The following CALCR variants were observed in gnomAD, a reference collection of about 807,000 sequenced individuals.
The protein encoded by CALCR is calcitonin receptor.
A neutral mutation model predicts 59.5 loss-of-function variants in CALCR; 47 were observed. The ratio of observed to expected loss-of-function variants is 0.79; its 90% CI spans 0.63 to 1.01. CALCR has a LOEUF of 1.01. CALCR is among the 50% of genes least tolerant of loss of function. The pLI is 0.00. For synonymous variants in CALCR, 213 were observed against 211.3 expected, an observed-to-expected ratio of 1.01 and a Z score of -0.07; for missense variants, 566 against 597.1, an observed-to-expected ratio of 0.95 and a Z score of 0.54.
intron 2 of CALCR, among the ~76,000 whole-genome samples, chr7:93,518,652 T>TA (rs1306284169): frequency 6.6e-6 from 1 of 151,914 alleles, no homozygotes; most frequent in African/African-American, 2.4e-5. Flanking sequence ...AGATGTTTAT[T>TA]GGAGCAGTTT....
chr7:93,452,214 G>C (rs1222762461), intron 8 of CALCR, among the ~76,000 whole-genome samples: 1 of 151,886 alleles, frequency 6.6e-6, no homozygotes, highest in Non-Finnish European at 1.5e-5. Context: ...AAGAATTTAG[G>C]GTTCAGAGAG....
At chr7:93,514,810 A>G (rs1409711976) in intron 2 of CALCR, among the ~76,000 whole-genome samples, 2 of 152,074 alleles carry the variant, frequency 1.3e-5, no homozygotes, top group Admixed American at 1.3e-4. Flanking sequence ...TAAAAGTTCT[A>G]TTATTCAGAG....
intron 2 of CALCR, among the ~76,000 whole-genome samples, chr7:93,517,317 A>G (rs926456704): frequency 1.6e-5 from 2 of 127,814 alleles, no homozygotes; most frequent in African/African-American, 7.9e-5. Context: ...TTTTTTTTTA[A>G]TTTGCTAGCC....
At chr7:93,544,789 A>C (rs1407626148) in intron 2 of CALCR, among the ~76,000 whole-genome samples, 1 of 152,082 alleles carries the variant, frequency 6.6e-6, no homozygotes, top group Non-Finnish European at 1.5e-5. Context: ...GGCCAGGAGG[A>C]GCTTATGGCA....
At chr7:93,432,115 A>G (rs376533148) in intron 13 of CALCR, among the ~76,000 whole-genome samples, 3 of 152,164 alleles carry the variant, frequency 2.0e-5, no homozygotes, top group African/African-American at 7.2e-5. Flanking sequence ...TATATAATTC[A>G]TTTTCATAAT....
intron 8 of CALCR, among the ~76,000 whole-genome samples, chr7:93,446,439 A>T (rs138890670): frequency 6.6e-6 from 1 of 152,102 alleles, no homozygotes; most frequent in Admixed American, 6.6e-5. Context: ...TTGTTTTCAA[A>T]CTATTTTTCA....
At chr7:93,564,586 G>A (rs977769999) in intron 2 of CALCR, among the ~76,000 whole-genome samples, 1 of 152,076 alleles carries the variant, frequency 6.6e-6, no homozygotes, top group African/African-American at 2.4e-5. Flanking sequence ...CCAAGTAGCT[G>A]GGATTACAGG....
chr7:93,555,690 A>G (rs1178414159), intron 2 of CALCR, among the ~76,000 whole-genome samples: 1 of 151,570 alleles, frequency 6.6e-6, no homozygotes, highest in Non-Finnish European at 1.5e-5. Context: ...AAAGTGGCAT[A>G]GATTAAGCAC....
intron 7 of CALCR, among the ~76,000 whole-genome samples, chr7:93,462,739 A>G (rs769143915): frequency 6.6e-6 from 1 of 152,042 alleles, no homozygotes; most frequent in African/African-American, 2.4e-5. Flanking sequence ...GCTGTTGTAC[A>G]TTAGCTTAAA....
Position 93,443,768 on chromosome 7 carries a change from G to T in CALCR, c.649-11C>A, listed in dbSNP as rs777622964. On this transcript the variant is annotated splice_polypyrimidine_tract_variant and intron_variant, in intron 8 of 13. Coordinates refer to ENST00000426151, the MANE Select transcript of CALCR (RefSeq NM_001742.4). ...AATCTTGCAGCTCACCTGTCAGAAA[G>T]AAAGGAAGATACTCAGAGAAAGACA... 2.5e-6 allele frequency: 4 copies of T among 1,610,756 alleles called. No individual in the cohort carries two copies. Among genetic ancestry groups the T allele is most frequent in the Admixed American group, 1.7e-5 (1 of 59,842 alleles).
chr7:93,438,256 G>T lies in CALCR; in HGVS notation c.817C>A (p.Pro273Thr). The change falls in exon 10 of 14, where the codon CCA (proline) becomes ACA (threonine). Residue 273 changes from proline to threonine, a missense_variant. Coordinates refer to ENST00000426151, the MANE Select transcript of CALCR (RefSeq NM_001742.4). Reference protein sequence around the residue: ...YLLGWGFPLVPTTIHAITRAV... With the variant: ...YLLGWGFPLVTTTIHAITRAV... ...CTGGTAATAGCATGGATAGTGGTTG[G>T]CACCAGCGGGAACCCTACAAATGTG... The T allele has an allele frequency of 6.2e-7, 1 of 1,612,896 alleles. No homozygotes were observed. The highest frequency in any genetic ancestry group is 8.5e-7 in the Non-Finnish European group (1 of 1,178,914).
intron 2 of CALCR, among the ~76,000 whole-genome samples, chr7:93,529,299 G>A (rs1241147256): frequency 6.6e-6 from 1 of 151,960 alleles, no homozygotes; most frequent in Non-Finnish European, 1.5e-5. Context: ...CTCTCTCCTT[G>A]TTCCTGCTCC....
At chr7:93,513,374 AGGACACC>A (rs1220014786) in intron 2 of CALCR, among the ~76,000 whole-genome samples, 1 of 152,194 alleles carries the variant, frequency 6.6e-6, no homozygotes, top group African/African-American at 2.4e-5. Flanking sequence ...TTTATTTACT[AGGACACC>A]TTATTAAATA....
At chr7:93,546,265 A>G (rs751481501) in intron 2 of CALCR, among the ~76,000 whole-genome samples, 1 of 152,136 alleles carries the variant, frequency 6.6e-6, no homozygotes, top group Non-Finnish European at 1.5e-5. Flanking sequence ...TATAATTTTA[A>G]TAACATCCCT....
At chr7:93,505,553 T>C (rs1801407709) in intron 2 of CALCR, among the ~76,000 whole-genome samples, 1 of 152,198 alleles carries the variant, frequency 6.6e-6, no homozygotes, top group Admixed American at 6.5e-5. Flanking sequence ...TGGTCTTCTG[T>C]GAACATTTCA....
rs777156798 is a variant in CALCR, at chr7:93,472,397, G to C, written c.407C>G (p.Ala136Gly). Residue 136 changes from alanine to glycine, a missense_variant, in exon 6 of 14, where the codon GCT becomes GGT. Physicochemically the swap from Ala to Gly is moderately conservative, Grantham distance 60 (BLOSUM62 0). Transcript: ENST00000426151. ...RTWSNYTMCN[A>G]FTPEKLKNAY... ...TACCTTCAGTTTCTCAGGAGTGAAA[G>C]CATTGCACATAGTATAGTTGGACCA... The C allele has an allele frequency of 4.4e-6, 7 of 1,604,212 alleles. No homozygotes were observed. The highest frequency in any genetic ancestry group is 5.1e-6 in the Non-Finnish European group (6 of 1,172,588).
intron 8 of CALCR, among the ~76,000 whole-genome samples, chr7:93,444,204 G>GA (rs1311121078): frequency 3.9e-5 from 6 of 152,078 alleles, no homozygotes; most frequent in African/African-American, 1.4e-4. Flanking sequence ...AAAGAGGAGA[G>GA]AGTCAGGTGA....
intron 2 of CALCR, among the ~76,000 whole-genome samples, chr7:93,532,082 T>C (rs1584611008): frequency 6.6e-6 from 1 of 152,076 alleles, no homozygotes; most frequent in East Asian, 1.9e-4. Flanking sequence ...TAAAGTACTA[T>C]CTATTGATAG....
chr7:93,438,901 T>TAA (rs924322629), intron 9 of CALCR, among the ~76,000 whole-genome samples: 3 of 140,192 alleles, frequency 2.1e-5, no homozygotes, highest in Admixed American at 7.1e-5. Flanking sequence ...AAAGTGCTAG[T>TAA]AAAAAAAAAA....
Sources: allele counts gnomAD v4.1 joint callset (sites outside exome capture counted in the v4.1 genomes callset), GRCh38; gene constraint gnomAD v4.1.1; transcripts MANE v1.5; gene names NCBI Gene and HGNC (gene_info 2026-07-23, HGNC 2026-07-21).